Variants in NAV2 observed in about 807,000 individuals in gnomAD.
The protein encoded by NAV2 is helicase, APC down-regulated 1.
Under a neutral mutation model 223.2 loss-of-function variants are expected in NAV2, and 54 were observed. That is an observed-to-expected ratio of 0.24 (90% CI 0.19 to 0.30). The LOEUF (loss-of-function observed/expected upper bound fraction) is 0.30. Among genes scored for constraint, NAV2 ranks in the 10% least tolerant of loss-of-function variants. The pLI is 1.00. For missense variants in NAV2, 2,806 were observed against 3,147.5 expected, an observed-to-expected ratio of 0.89 and a Z score of 2.60; for synonymous variants, 1,279 against 1,239.3, an observed-to-expected ratio of 1.03 and a Z score of -0.67.
intron 1 of NAV2, among the ~76,000 whole-genome samples, chr11:19,410,883 G>A (rs1301259438): frequency 6.6e-6 from 1 of 152,094 alleles, no homozygotes; most frequent in African/African-American, 2.4e-5. Flanking sequence ...GTTTGCCAAT[G>A]AAGAGAATCA....
rs765784842 is a variant in NAV2, at chr11:19,934,285, C to G, written c.2033+8C>G. 6.4e-7 allele frequency: 1 copy of G among 1,563,506 alleles called. No individual in the cohort carries two copies. The highest frequency in any genetic ancestry group is 1.9e-5 in the Admixed American group (1 of 53,784). On this transcript the variant is annotated splice_region_variant and intron_variant, in intron 7 of 37. Coordinates refer to ENST00000349880, the MANE Select transcript of NAV2 (RefSeq NM_145117.5). Reference sequence around the variant, plus strand: ...TGCACCTTTCCTGTACAGGTAGGAGCTGCCACCCACCTGTGCTGCCTGGGA... The same window carrying G: ...TGCACCTTTCCTGTACAGGTAGGAGGTGCCACCCACCTGTGCTGCCTGGGA...
chr11:19,647,963 A>C (rs1196474949), intron 1 of NAV2, among the ~76,000 whole-genome samples: 1 of 152,124 alleles, frequency 6.6e-6, no homozygotes, highest in African/African-American at 2.4e-5. Context: ...AAATGACAAC[A>C]CTGAGGCTTA....
intron 1 of NAV2, among the ~76,000 whole-genome samples, chr11:19,762,721 C>A (rs773147726): frequency 5.4e-5 from 8 of 148,262 alleles, no homozygotes; most frequent in Admixed American, 2.7e-4. Context: ...TCAAGCAATT[C>A]TCCTGCCTCA....
intron 1 of NAV2, among the ~76,000 whole-genome samples, chr11:19,490,272 G>T (rs12793654): frequency 0.1 from 15,535 of 152,144 alleles, 802 homozygotes; most frequent in Admixed American, 0.13. Context: ...AGTCAACAAT[G>T]AAGTTTGCCA....
intron 1 of NAV2, among the ~76,000 whole-genome samples, chr11:19,548,362 G>C (rs2044571912): frequency 6.6e-6 from 1 of 152,162 alleles, no homozygotes. Context: ...CTTATTCTAA[G>C]AGACCTGTGC....
At chr11:19,351,802 TAAAAAAAAAAAAAAAAAAAAA>T (rs56030401) in intron 1 of NAV2, among the ~76,000 whole-genome samples, 2 of 114,672 alleles carry the variant, frequency 1.7e-5, no homozygotes, top group Non-Finnish European at 3.4e-5. Context: ...TTGTGTATGG[TAAAAAAAAAAAAAAAAAAAAA>T]AAAAAAAAAG....
rs141979841 is a variant in NAV2, at chr11:19,988,077, G to A, written c.2768+3830G>A. Among the ~76,000 whole-genome samples the A allele has an allele frequency of 9.9e-5, 15 of 152,250 alleles. No individual in the cohort carries two copies. The South Asian group carries it at 1.2e-3, about 13-fold the overall frequency. ...CTCTCAGAACCCATCAAAAGTTCCC[G>A]AACTCCAGCAAGTTGAGAGCTTTGA... is the stretch of plus-strand genomic sequence containing the variant. On this transcript the variant is annotated intron_variant, in intron 11 of 37. Coordinates refer to ENST00000349880, the MANE Select transcript of NAV2 (RefSeq NM_145117.5).
intron 29 of NAV2, 137 bp downstream of exon 29, chr11:20,093,336 A>G (rs1315684983): frequency 1.5e-6 from 1 of 647,402 alleles, no homozygotes; most frequent in African/African-American, 1.8e-5. Flanking sequence ...TCTCTTAACT[A>G]ACCATAATCC....
intron 1 of NAV2, among the ~76,000 whole-genome samples, chr11:19,679,261 T>A (rs7481555): frequency 0.74 from 112,698 of 151,830 alleles, 46,044 homozygotes; most frequent in Non-Finnish European, 0.91. Context: ...TGAAACCCTA[T>A]CTCTACTAAA....
chr11:19,635,758 C>T (rs1426269486), intron 1 of NAV2, among the ~76,000 whole-genome samples: 3 of 152,230 alleles, frequency 2.0e-5, no homozygotes, highest in Non-Finnish European at 4.4e-5. Flanking sequence ...TGAGGATAAA[C>T]TCTCGTGACC....
chr11:19,468,661 A>G (rs2041864240), intron 1 of NAV2, among the ~76,000 whole-genome samples: 2 of 152,206 alleles, frequency 1.3e-5, no homozygotes, highest in Admixed American at 6.5e-5. Flanking sequence ...ACTTCAATAT[A>G]TCTTTTGGGA....
At position 20,045,001 on chromosome 11, in the gene NAV2, G is replaced by A; in HGVS notation, c.3233G>A (p.Gly1078Glu). ...GACGACGCAAAGGTGTCTGAGAAAGGAAGGCTTTCTCCTAAAGCCTCCCAG... is the reference window on the plus strand; with the variant it reads ...GACGACGCAAAGGTGTCTGAGAAAGAAAGGCTTTCTCCTAAAGCCTCCCAG... Reference protein sequence around the residue: ...KTDDAKVSEKGRLSPKASQVK... With the variant: ...KTDDAKVSEKERLSPKASQVK... Residue 1078 changes from glycine (G) to glutamate (E), a missense_variant, in exon 14 of 38, where the codon GGA becomes GAA. Physicochemically the swap from Gly to Glu is moderately conservative, Grantham distance 98. Transcript: ENST00000349880. 1 of 1,612,898 alleles carries A rather than the reference G, an allele frequency of 6.2e-7. No individual in the cohort carries two copies. Among genetic ancestry groups the A allele is most frequent in the Non-Finnish European group, 8.5e-7 (1 of 1,179,660 alleles).
intron 1 of NAV2, among the ~76,000 whole-genome samples, chr11:19,698,762 C>T (rs2049420325): frequency 6.6e-6 from 1 of 152,198 alleles, no homozygotes; most frequent in Non-Finnish European, 1.5e-5. Flanking sequence ...GGTTGGCATG[C>T]CTTCCCACCA....
chr11:19,781,217 A>G (rs1264704625), intron 1 of NAV2, among the ~76,000 whole-genome samples: 3 of 152,190 alleles, frequency 2.0e-5, no homozygotes, highest in African/African-American at 7.2e-5. Context: ...TGTACCTTGA[A>G]CTGCTGTATC....
chr11:19,465,543 C>A (rs989320721), intron 1 of NAV2, among the ~76,000 whole-genome samples: 15 of 152,212 alleles, frequency 9.9e-5, no homozygotes, highest in East Asian at 9.6e-4. Flanking sequence ...AAATATCTGA[C>A]CTTTTTGTGT....
At chr11:19,682,486 G>A (rs2048907123) in intron 1 of NAV2, among the ~76,000 whole-genome samples, 1 of 152,226 alleles carries the variant, frequency 6.6e-6, no homozygotes, top group Non-Finnish European at 1.5e-5. Flanking sequence ...CCTCTGCGAG[G>A]ACCTGGGAGG....
intron 1 of NAV2, among the ~76,000 whole-genome samples, chr11:19,602,831 C>T (rs532610159): frequency 0.15 from 8 of 54 alleles, no homozygotes; most frequent in East Asian, 0.44. Flanking sequence ...AGGATAATCT[C>T]ATCTATACCA....
At position 19,933,477 on chromosome 11, in the gene NAV2, A is replaced by G; in HGVS notation, c.1233A>G (p.Lys411=). The G allele has an allele frequency of 6.2e-7, 1 of 1,610,776 alleles. No homozygotes were observed. The highest frequency in any genetic ancestry group is 8.5e-7 in the Non-Finnish European group (1 of 1,178,736). Residue 411 remains lysine (K), a synonymous_variant, in exon 7 of 38, where the codon AAA becomes AAG. Coordinates refer to ENST00000349880, the MANE Select transcript of NAV2 (RefSeq NM_145117.5). This position sits in a 1 kb window ranked among gnomAD's most constrained non-coding sequence, Gnocchi z 4.3. ...AAAAGCTGAAACTTTTCAACAGTAA[A>G]GGGGGCTCAAAGGCAGGTGAGGGGC... The part of the protein sequence containing the change: ...MLEKLKLFNS[K]GGSKAGEGPG...
chr11:19,787,036 A>AAAG (rs1322106003), intron 1 of NAV2, among the ~76,000 whole-genome samples: 6 of 152,026 alleles, frequency 3.9e-5, no homozygotes, highest in East Asian at 1.9e-4. Flanking sequence ...GTTAGAAACA[A>AAAG]AAGAAGAAGA....
Sources: gnomAD v4.1 joint callset for allele counts (sites outside exome capture counted in the v4.1 genomes callset) on GRCh38, gnomAD v4.1.1 for gene constraint, Gnocchi (gnomAD v3.1) non-coding constraint, MANE v1.5 for transcripts, NCBI Gene and HGNC (gene_info 2026-07-23, HGNC 2026-07-21) for gene names.